PCDH9: variants seen among roughly 807,000 people sequenced by gnomAD.
The protein encoded by PCDH9 is protocadherin-9.
Under a neutral mutation model 70.6 loss-of-function variants are expected in PCDH9, and 24 were observed. The ratio of observed to expected loss-of-function variants is 0.34; its 90% CI spans 0.25 to 0.48. The LOEUF (loss-of-function observed/expected upper bound fraction) is 0.48, where lower values mean the gene tolerates loss of function less well. Among genes scored for constraint, PCDH9 ranks in the 20% least tolerant of loss-of-function variants. PCDH9 has a pLI of 0.99. For missense variants in PCDH9, 1,281 were observed against 1,503.6 expected (o/e 0.85, Z 2.45); for synonymous variants, 562 against 558.5 (o/e 1.01, Z -0.09).
chr13:66,921,442 A>G (rs2082634928), intron 2 of PCDH9, among the ~76,000 whole-genome samples: 1 of 151,212 alleles, frequency 6.6e-6, no homozygotes, highest in African/African-American at 2.4e-5. Context: ...TGCCTTATCC[A>G]GTTGACAAAA....
At chr13:66,890,078 G>A (rs548888204) in intron 3 of PCDH9, among the ~76,000 whole-genome samples, 1 of 152,194 alleles carries the variant, frequency 6.6e-6, no homozygotes, top group African/African-American at 2.4e-5. Flanking sequence ...TCTTAGCAGA[G>A]CCCGGGTATC....
intron 3 of PCDH9, among the ~76,000 whole-genome samples, chr13:66,711,569 A>G (rs2078794426): frequency 6.6e-6 from 1 of 152,120 alleles, no homozygotes; most frequent in Admixed American, 6.6e-5. Flanking sequence ...CTTTAAATAC[A>G]ATGTTATTTC....
At chr13:66,984,649 A>G (rs1462246055) in intron 2 of PCDH9, among the ~76,000 whole-genome samples, 1 of 152,182 alleles carries the variant, frequency 6.6e-6, no homozygotes, top group Admixed American at 6.5e-5. Flanking sequence ...AGTCCCAAGA[A>G]AGTAAATAAC....
intron 4 of PCDH9, among the ~76,000 whole-genome samples, chr13:66,384,971 T>C (rs1956906079): frequency 6.6e-6 from 1 of 152,060 alleles, no homozygotes; most frequent in Non-Finnish European, 1.5e-5. Context: ...GCCCGGCCCA[T>C]ATCTGCCACT....
intron 3 of PCDH9, among the ~76,000 whole-genome samples, chr13:66,754,148 TC>T (rs746211884): frequency 6.6e-6 from 1 of 152,132 alleles, no homozygotes; most frequent in Non-Finnish European, 1.5e-5. Flanking sequence ...CTGCATGTTC[TC>T]ACTCAAAAAT....
intron 4 of PCDH9, among the ~76,000 whole-genome samples, chr13:66,338,283 C>A (rs1288706291): frequency 6.6e-6 from 1 of 152,042 alleles, no homozygotes; most frequent in Non-Finnish European, 1.5e-5. Flanking sequence ...TATATTACAA[C>A]AATCCTTCCT....
rs946444167 is a variant in PCDH9, at chr13:67,228,417, C to T, written c.24G>A (p.Leu8=). 9.4e-6 allele frequency: 15 copies of T among 1,590,490 alleles called. No homozygotes were observed. The East Asian group carries it at 2.9e-4, about 31-fold the overall frequency. The change falls in exon 2 of 5, where the codon CTG becomes CTA. Residue 8 remains leucine (L), a synonymous_variant. Coordinates refer to ENST00000377865, the MANE Select transcript of PCDH9 (RefSeq NM_203487.3). ...TTAAACAGGCAATCAGAGCAGCCAA[C>T]AGGTAAAAATCCCTCAGGTCCATGA... MDLRDFY[L]LAALIACLRL...
intron 2 of PCDH9, among the ~76,000 whole-genome samples, chr13:66,970,643 GCA>G (rs2139746425): frequency 1.3e-4 from 2 of 15,694 alleles, no homozygotes; most frequent in South Asian, 4.1e-3. Flanking sequence ...AAAAAAAAAA[GCA>G]AAAAAAAAAA....
At chr13:66,958,436 T>C (rs77419701) in intron 2 of PCDH9, among the ~76,000 whole-genome samples, 3,742 of 152,308 alleles carry the variant, frequency 0.025, 61 homozygotes, top group Non-Finnish European at 0.037. Flanking sequence ...TTTCTTGACA[T>C]GCCTTAAATT....
At chr13:66,426,176 G>A (rs972147587) in intron 4 of PCDH9, among the ~76,000 whole-genome samples, 1 of 151,102 alleles carries the variant, frequency 6.6e-6, no homozygotes, top group Non-Finnish European at 1.5e-5. Flanking sequence ...TCAGTGGGTG[G>A]CAGAAGAATT....
intron 3 of PCDH9, among the ~76,000 whole-genome samples, chr13:66,823,665 G>C (rs1405394531): frequency 6.6e-6 from 1 of 151,990 alleles, no homozygotes; most frequent in African/African-American, 2.4e-5. Flanking sequence ...ATTGGTTTTT[G>C]AGATACGGCT....
intron 4 of PCDH9, among the ~76,000 whole-genome samples, chr13:66,392,015 A>T (rs1367317961): frequency 6.6e-6 from 1 of 151,668 alleles, no homozygotes; most frequent in East Asian, 1.9e-4. Flanking sequence ...ATTAATATAC[A>T]CACTCATAGC....
intron 3 of PCDH9, among the ~76,000 whole-genome samples, chr13:66,773,248 G>A (rs1566184286): frequency 1.3e-5 from 2 of 152,206 alleles, no homozygotes; most frequent in South Asian, 4.1e-4. Context: ...CTATATATAT[G>A]TGCTCTCCAA....
At chr13:67,030,729 G>A (rs1226963373) in intron 2 of PCDH9, among the ~76,000 whole-genome samples, 1 of 152,060 alleles carries the variant, frequency 6.6e-6, no homozygotes, top group African/African-American at 2.4e-5. Flanking sequence ...AGGTTGAGGG[G>A]CTCATTCCAT....
chr13:66,563,933 T>C (rs2076613921), intron 4 of PCDH9, among the ~76,000 whole-genome samples: 1 of 152,104 alleles, frequency 6.6e-6, no homozygotes, highest in South Asian at 2.1e-4. Context: ...GGTGTTTTTT[T>C]TTAAATTGTT....
At position 66,508,276 on chromosome 13, in the gene PCDH9, C is replaced by T. The variant is rs535927437; in HGVS notation, c.3340+122934G>A. ...TAGGGGAGGAGGGAATGGGGAGCAA[C>T]TGTTTAATAGATGTAGGATTTCACT... On this transcript the variant is annotated intron_variant, in intron 4 of 4. Transcript: ENST00000377865. Among the ~76,000 whole-genome samples, 3 of 152,204 alleles carry T rather than the reference C, an allele frequency of 2.0e-5. No individual in the cohort carries two copies. The South Asian group carries it at 6.2e-4, about 32-fold the overall frequency.
At position 66,600,515 on chromosome 13, in the gene PCDH9, A is replaced by T. The variant is rs1335037624; in HGVS notation, c.3340+30695T>A. Among the ~76,000 whole-genome samples, 3 of 151,980 alleles carry T rather than the reference A, an allele frequency of 2.0e-5. No individual in the cohort carries two copies. The East Asian group carries it at 5.8e-4, about 30-fold the overall frequency. ...TACATCAAGCAATTCTGTAATTATA[A>T]TTTTTTTCCCTAACATTTTGCATAA... On this transcript the variant is annotated intron_variant, in intron 4 of 4. Transcript: ENST00000377865.
At chr13:66,972,235 T>C (rs1327236419) in intron 2 of PCDH9, among the ~76,000 whole-genome samples, 1 of 151,942 alleles carries the variant, frequency 6.6e-6, no homozygotes, top group Non-Finnish European at 1.5e-5. Context: ...ATAGAATTAC[T>C]GAAAGATATT....
chr13:66,449,024 T>C (rs1448450040), intron 4 of PCDH9, among the ~76,000 whole-genome samples: 2 of 152,112 alleles, frequency 1.3e-5, no homozygotes, highest in African/African-American at 4.8e-5. Context: ...TATAAAGAAA[T>C]TGAATAGTTT....
Sources: gnomAD v4.1 joint callset for allele counts (sites outside exome capture counted in the v4.1 genomes callset) on GRCh38, gnomAD v4.1.1 for gene constraint, MANE v1.5 for transcripts, NCBI Gene and HGNC (gene_info 2026-07-23, HGNC 2026-07-21) for gene names.